SUPT3H: variants seen among roughly 807,000 people sequenced by gnomAD.
SUPT3H encodes SPT3 homolog, SAGA and STAGA complex component.
In SUPT3H, 44 loss-of-function variants were observed where a neutral mutation model predicts 44.3. That is an observed-to-expected ratio of 0.99 (90% CI 0.78 to 1.28). The LOEUF (loss-of-function observed/expected upper bound fraction) is 1.28, where lower values mean the gene tolerates loss of function less well. Among genes scored for constraint, SUPT3H ranks in the 50% most tolerant of loss-of-function variants. The pLI is 0.00. For synonymous variants in SUPT3H, 124 were observed against 125.6 expected (o/e 0.99, Z 0.09); for missense variants, 380 against 387.1 (o/e 0.98, Z 0.15).
chr6:45,027,297 G>T (rs925119292), intron 3 of SUPT3H, among the ~76,000 whole-genome samples: 1 of 152,022 alleles, frequency 6.6e-6, no homozygotes, highest in East Asian at 1.9e-4. Flanking sequence ...GCCCAGACTG[G>T]ATTGTTGTTT....
intron 4 of SUPT3H, among the ~76,000 whole-genome samples, chr6:45,018,816 G>C (rs1293538623): frequency 1.3e-5 from 2 of 151,614 alleles, no homozygotes; most frequent in Non-Finnish European, 2.9e-5. Context: ...CTCTTTTTTG[G>C]TTGTGTCTCT....
intron 2 of SUPT3H, among the ~76,000 whole-genome samples, chr6:45,218,360 T>G (rs1765429543): frequency 6.6e-6 from 1 of 152,096 alleles, no homozygotes; most frequent in Non-Finnish European, 1.5e-5. Context: ...AAAGCAAAAC[T>G]GATAGAGCTG....
intron 2 of SUPT3H, among the ~76,000 whole-genome samples, chr6:45,178,868 G>A (rs566182187): frequency 0.018 from 2,659 of 151,740 alleles, 48 homozygotes; most frequent in South Asian, 0.085. Flanking sequence ...TGAAACCAAC[G>A]AGAACAAAGA....
chr6:44,997,624 T>A (rs556751920), intron 6 of SUPT3H, among the ~76,000 whole-genome samples: 1 of 151,908 alleles, frequency 6.6e-6, no homozygotes, highest in Non-Finnish European at 1.5e-5. Flanking sequence ...TACATAATGA[T>A]AAATTTTTGT....
At chr6:45,328,272 T>A in intron 2 of SUPT3H, 2 of 1,358,084 alleles carry the variant, frequency 1.5e-6, no homozygotes, top group South Asian at 1.2e-5. Flanking sequence ...CCAGTAATAG[T>A]GCTTGCAAAA....
At chr6:45,091,862 G>A (rs1583487822) in intron 3 of SUPT3H, among the ~76,000 whole-genome samples, 1 of 151,740 alleles carries the variant, frequency 6.6e-6, no homozygotes, top group East Asian at 1.9e-4. Context: ...AAAGTTTTTG[G>A]TCATATAAAA....
chr6:44,923,679 T>C (rs1769079299), intron 10 of SUPT3H, among the ~76,000 whole-genome samples: 1 of 152,080 alleles, frequency 6.6e-6, no homozygotes, highest in African/African-American at 2.4e-5. Flanking sequence ...ACATTAGTTA[T>C]TGGCAATACC....
chr6:44,860,480 T>A (rs1774474121), intron 10 of SUPT3H, among the ~76,000 whole-genome samples: 1 of 152,234 alleles, frequency 6.6e-6, no homozygotes, highest in Non-Finnish European at 1.5e-5. Context: ...ATTGTACAGT[T>A]GAGCTTGAGT....
At chr6:44,856,414 T>C (rs1773736585) in intron 10 of SUPT3H, among the ~76,000 whole-genome samples, 1 of 152,186 alleles carries the variant, frequency 6.6e-6, no homozygotes, top group African/African-American at 2.4e-5. Context: ...TCAAGATCAT[T>C]AGACATGGTT....
At chr6:45,111,608 T>A (rs1284975) in intron 2 of SUPT3H, among the ~76,000 whole-genome samples, 97,493 of 150,640 alleles carry the variant, frequency 0.65, 32,258 homozygotes, top group African/African-American at 0.8. Flanking sequence ...AAACTTGTAT[T>A]TTTCCTTTCA....
intron 2 of SUPT3H, among the ~76,000 whole-genome samples, chr6:45,169,540 A>AT (rs1238717784): frequency 6.6e-6 from 1 of 152,210 alleles, no homozygotes; most frequent in Non-Finnish European, 1.5e-5. Context: ...TTGCTTGAAC[A>AT]TAAAAAAAAT....
chr6:44,956,484 T>TAAAAAAAAAAAAAAA (rs1355247914), intron 7 of SUPT3H, among the ~76,000 whole-genome samples: 4 of 2,716 alleles, frequency 1.5e-3, no homozygotes, highest in Non-Finnish European at 2.3e-3. Context: ...AAAAAAAAAA[T>TAAAAAAAAAAAAAAA]AAAAAAAAAA....
chr6:45,096,135 TAAAG>T (rs980456832), intron 3 of SUPT3H, among the ~76,000 whole-genome samples: 1 of 152,064 alleles, frequency 6.6e-6, no homozygotes, highest in Non-Finnish European at 1.5e-5. Flanking sequence ...CATAACAAAA[TAAAG>T]AAACTAAGAG....
chr6:45,351,075 C>T (rs760150646), intron 2 of SUPT3H, among the ~76,000 whole-genome samples: 2 of 152,240 alleles, frequency 1.3e-5, no homozygotes, highest in Non-Finnish European at 2.9e-5. Flanking sequence ...CAAAACCATA[C>T]GCCCCATGTC....
intron 2 of SUPT3H, among the ~76,000 whole-genome samples, chr6:45,291,818 G>C (rs541749661): frequency 6.6e-6 from 1 of 152,074 alleles, no homozygotes. Flanking sequence ...AAGAATAATC[G>C]GTGTCCCCAA....
At chr6:45,283,934 A>G (rs1778676217) in intron 2 of SUPT3H, among the ~76,000 whole-genome samples, 1 of 152,176 alleles carries the variant, frequency 6.6e-6, no homozygotes, top group South Asian at 2.1e-4. Context: ...TAAGAAACTC[A>G]CTCAGAACTG....
chr6:45,317,227 CAAAAAAAAAAAAA>C (rs70996324), intron 2 of SUPT3H, among the ~76,000 whole-genome samples: 3 of 36,094 alleles, frequency 8.3e-5, no homozygotes, highest in Admixed American at 4.3e-4. Flanking sequence ...GACTCTGTCT[CAAAAAAAAAAAAA>C]AAAAAAAAAA....
rs115176233 is a variant in SUPT3H, at chr6:45,020,849, A to G, written c.187-217T>C. Among the ~76,000 whole-genome samples the G allele has an allele frequency of 4.9e-3, 738 of 152,126 alleles. 4 individuals carry two copies. Among genetic ancestry groups the G allele is most frequent in the African/African-American group, 0.017 (701 of 41,552 alleles). ...TATGAGCCCACCTGTAACCAATACA[A>G]TAAACAGAAATCTTTTATTTCTTTC... is the stretch of plus-strand genomic sequence containing the variant. On this transcript the variant is annotated intron_variant, in intron 3 of 10. Coordinates refer to ENST00000371459, the MANE Select transcript of SUPT3H (RefSeq NM_003599.4).
At chr6:45,321,363 G>A (rs1284437751) in intron 2 of SUPT3H, among the ~76,000 whole-genome samples, 1 of 152,042 alleles carries the variant, frequency 6.6e-6, no homozygotes, top group Non-Finnish European at 1.5e-5. Context: ...AGAATTCACT[G>A]TTTAAGCTGA....
Sources: allele counts gnomAD v4.1 joint callset (sites outside exome capture counted in the v4.1 genomes callset), GRCh38; gene constraint gnomAD v4.1.1; transcripts MANE v1.5; gene names NCBI Gene and HGNC (gene_info 2026-07-23, HGNC 2026-07-21).